The following DNAJC15 variants were observed in gnomAD, a reference collection of about 807,000 sequenced individuals.
The protein encoded by DNAJC15 is DnaJ heat shock protein family (Hsp40) member C15, also known as dnaJ homolog subfamily C member 15.
DNAJC15 carries 27 observed loss-of-function variants against 22.4 expected under a neutral mutation model. The observed-to-expected ratio is 1.20, with a 90% CI of 0.89 to 1.66. The LOEUF (loss-of-function observed/expected upper bound fraction) is 1.66, where lower values mean the gene tolerates loss of function less well. Among genes scored for constraint, DNAJC15 ranks in the 40% most tolerant of loss-of-function variants. The pLI is 0.00. For missense variants in DNAJC15, 208 were observed against 187.1 expected, an observed-to-expected ratio of 1.11 and a Z score of -0.65; for synonymous variants, 79 against 63.2, an observed-to-expected ratio of 1.25 and a Z score of -1.19.
At position 43,084,082 on chromosome 13, in the gene DNAJC15, A is replaced by G. The variant is rs187006058; in HGVS notation, c.312-1686A>G. 4.1e-3 allele frequency among the ~76,000 whole-genome samples: 629 copies of G among 152,354 alleles called. 1 individual carries two copies. The highest frequency in any genetic ancestry group is 6.3e-3 in the Non-Finnish European group (426 of 68,028). ...GAATCAAGGATTGACAGCTGATAGC[A>G]TAGGGGAGGCACTGTTCAAAATAGA... On this transcript the variant is annotated intron_variant, in intron 4 of 5. Coordinates refer to ENST00000379221, the MANE Select transcript of DNAJC15 (RefSeq NM_013238.3).
chr13:43,024,893 T>TCAAAAAAAAAAAAAAAAAAA (rs2040372553), intron 1 of DNAJC15, among the ~76,000 whole-genome samples: 1 of 85,946 alleles, frequency 1.2e-5, no homozygotes, highest in African/African-American at 4.6e-5. Context: ...CCATCTCTGC[T>TCAAAAAAAAAAAAAAAAAAA]AAAAAAAAAA....
intron 4 of DNAJC15, among the ~76,000 whole-genome samples, chr13:43,081,880 C>T (rs1334386688): frequency 1.3e-5 from 2 of 152,118 alleles, no homozygotes; most frequent in African/African-American, 4.8e-5. Context: ...CACAGTTCCA[C>T]ATAGCTGGGG....
intron 5 of DNAJC15, among the ~76,000 whole-genome samples, chr13:43,097,649 A>G (rs1026966050): frequency 2.0e-5 from 3 of 152,232 alleles, no homozygotes; most frequent in East Asian, 3.9e-4. Context: ...GGAAAAAAAA[A>G]GGTCTAGGCC....
At chr13:43,030,390 A>G (rs956858660) in intron 1 of DNAJC15, among the ~76,000 whole-genome samples, 3 of 152,192 alleles carry the variant, frequency 2.0e-5, no homozygotes, top group East Asian at 3.8e-4. Context: ...ACCATATAGC[A>G]TCTGGCACAC....
intron 1 of DNAJC15, among the ~76,000 whole-genome samples, chr13:43,030,403 T>C (rs2040399101): frequency 6.6e-6 from 1 of 152,176 alleles, no homozygotes; most frequent in Non-Finnish European, 1.5e-5. Flanking sequence ...TGGCACACAT[T>C]TACCTGTGTA....
intron 1 of DNAJC15, among the ~76,000 whole-genome samples, chr13:43,037,755 T>C (rs1443203233): frequency 6.6e-6 from 1 of 152,190 alleles, no homozygotes; most frequent in African/African-American, 2.4e-5. Context: ...AAAATTCTTA[T>C]CAACCCAAGG....
At chr13:43,033,683 T>C (rs2040414068) in intron 1 of DNAJC15, among the ~76,000 whole-genome samples, 1 of 152,134 alleles carries the variant, frequency 6.6e-6, no homozygotes, top group Non-Finnish European at 1.5e-5. Context: ...TAGGTGTTTT[T>C]CTCATGATTA....
chr13:43,075,199 A>G (rs1211641909), intron 3 of DNAJC15, among the ~76,000 whole-genome samples: 1 of 152,206 alleles, frequency 6.6e-6, no homozygotes, highest in African/African-American at 2.4e-5. Context: ...ATATGTATAT[A>G]CAGATTGACT....
intron 5 of DNAJC15, among the ~76,000 whole-genome samples, chr13:43,099,781 TAATTCTTTTTATATGTTTATA>T (rs2040758366): frequency 6.6e-6 from 1 of 152,062 alleles, no homozygotes; most frequent in South Asian, 2.1e-4. Context: ...TTGTGGTTTA[TAATTCTTTTTATATGTTTATA>T]TATTCTTTTT....
chr13:43,096,710 C>T (rs757663532), intron 5 of DNAJC15, among the ~76,000 whole-genome samples: 2 of 152,206 alleles, frequency 1.3e-5, no homozygotes, highest in South Asian at 2.1e-4. Flanking sequence ...TAGCTCCTCC[C>T]ATCAAGAGGT....
At chr13:43,057,569 A>G (rs117027795) in intron 1 of DNAJC15, among the ~76,000 whole-genome samples, 2,446 of 152,294 alleles carry the variant, frequency 0.016, 24 homozygotes, top group Middle Eastern at 0.024. Context: ...GAGTAACATA[A>G]TAATCGACCT....
chr13:43,103,351 G>C (rs2040780521), intron 5 of DNAJC15, among the ~76,000 whole-genome samples: 1 of 152,098 alleles, frequency 6.6e-6, no homozygotes, highest in Non-Finnish European at 1.5e-5. Flanking sequence ...GAAAATTGAA[G>C]AAAAAAGTAT....
At chr13:43,079,015 TATC>T in intron 4 of DNAJC15, 1 of 170,926 alleles carries the variant, frequency 5.9e-6, no homozygotes. Flanking sequence ...TATAATTTGA[TATC>T]ATATTGTTAA....
chr13:43,035,724 T>C (rs1374637159), intron 1 of DNAJC15, among the ~76,000 whole-genome samples: 2 of 152,160 alleles, frequency 1.3e-5, no homozygotes, highest in African/African-American at 4.8e-5. Context: ...TTAATTTTAA[T>C]ATTTTATTTC....
chr13:43,085,334 CT>C (rs2040682270), intron 4 of DNAJC15, among the ~76,000 whole-genome samples: 1 of 119,866 alleles, frequency 8.3e-6, no homozygotes, highest in Non-Finnish European at 1.6e-5. Context: ...GCACTCCAAC[CT>C]GGGCAACAGA....
At chr13:43,057,325 A>G (rs939080231) in intron 1 of DNAJC15, among the ~76,000 whole-genome samples, 2 of 151,806 alleles carry the variant, frequency 1.3e-5, no homozygotes. Flanking sequence ...TGTCTTTGTC[A>G]GTTTGGGTCA....
At chr13:43,027,286 C>G (rs528581006) in intron 1 of DNAJC15, among the ~76,000 whole-genome samples, 71 of 152,134 alleles carry the variant, frequency 4.7e-4, no homozygotes, top group African/African-American at 1.6e-3. Flanking sequence ...GCTAGATGTG[C>G]AGGTTTGTTA....
intron 1 of DNAJC15, among the ~76,000 whole-genome samples, chr13:43,039,515 G>C (rs1229288260): frequency 1.3e-5 from 2 of 152,140 alleles, no homozygotes; most frequent in Admixed American, 1.3e-4. Flanking sequence ...AGGAGTCTCA[G>C]GGGGTGGAGA....
Position 43,023,605 on chromosome 13 carries a change from T to C in DNAJC15, c.-22T>C, listed in dbSNP as rs767726482. On this transcript the variant is annotated 5_prime_UTR_variant, in exon 1 of 6. Coordinates refer to ENST00000379221, the MANE Select transcript of DNAJC15 (RefSeq NM_013238.3). ...CCTCGTAGTCACTGCCGCGGCGCCT[T>C]GAGTCTCCGGGCCGCCTTGCCATGG... The C allele has an allele frequency of 1.0e-5, 16 of 1,601,050 alleles. No homozygotes were observed. The highest frequency in any genetic ancestry group is 1.3e-5 in the Non-Finnish European group (15 of 1,173,642).
Sources: gnomAD v4.1 joint callset for allele counts (sites outside exome capture counted in the v4.1 genomes callset) on GRCh38, gnomAD v4.1.1 for gene constraint, MANE v1.5 for transcripts, NCBI Gene and HGNC (gene_info 2026-07-23, HGNC 2026-07-21) for gene names.